RGS17: variants seen among roughly 807,000 people sequenced by gnomAD.
The protein encoded by RGS17 is regulator of G protein signaling 17.
Under a neutral mutation model 25.5 loss-of-function variants are expected in RGS17, and 12 were observed. That is an observed-to-expected ratio of 0.47 (90% CI 0.30 to 0.76). The LOEUF (loss-of-function observed/expected upper bound fraction) is 0.76. RGS17 is among the 30% of genes least tolerant of loss of function. The pLI is 0.07. For missense variants in RGS17, 196 were observed against 242.2 expected (o/e 0.81, Z 1.27); for synonymous variants, 71 against 76.9 (o/e 0.92, Z 0.40).
In RGS17 at chr6:153,064,081, A is replaced by C. The variant is rs147389314; in HGVS notation, c.-25-20038T>G. On this transcript the variant is annotated intron_variant, in intron 1 of 4. Coordinates refer to ENST00000206262, the MANE Select transcript of RGS17 (RefSeq NM_012419.5). Reference sequence around the variant, plus strand: ...ATTTCATCAACACTAGACCTATCTTACAAGAAATGCTAACAGAGTACTTCA... The same window carrying C: ...ATTTCATCAACACTAGACCTATCTTCCAAGAAATGCTAACAGAGTACTTCA... Among the ~76,000 whole-genome samples the C allele has an allele frequency of 3.0e-3, 456 of 152,326 alleles. 3 individuals are homozygous for C. The highest frequency in any genetic ancestry group is 0.01 in the Middle Eastern group (3 of 294).
chr6:153,020,972 G>T lies in RGS17; in HGVS notation c.444+3290C>A, dbSNP rs150259597. Among the ~76,000 whole-genome samples, 604 of 152,282 alleles carry T rather than the reference G, an allele frequency of 4.0e-3. 1 individual carries two copies. The highest frequency in any genetic ancestry group is 7.0e-3 in the Non-Finnish European group (479 of 68,014). Reference sequence around the variant, plus strand: ...GCCATTAGGTAGAGAGGATGAAGTAGTAGCACAAATACTCTGAATAAATAG... The same window carrying T: ...GCCATTAGGTAGAGAGGATGAAGTATTAGCACAAATACTCTGAATAAATAG... On this transcript the variant is annotated intron_variant, in intron 4 of 4. Coordinates refer to ENST00000206262, the MANE Select transcript of RGS17 (RefSeq NM_012419.5).
At chr6:153,099,512 G>GA (rs1283142321) in intron 1 of RGS17, among the ~76,000 whole-genome samples, 1 of 151,838 alleles carries the variant, frequency 6.6e-6, no homozygotes, top group Non-Finnish European at 1.5e-5. Flanking sequence ...AATATATTCG[G>GA]AAAAAAAATT....
Position 153,026,531 on chromosome 6 carries a change from C to T in RGS17, c.132G>A (p.Arg44=), listed in dbSNP as rs1375198841. The T allele has an allele frequency of 2.5e-6, 4 of 1,612,292 alleles. No individual in the cohort carries two copies. Among genetic ancestry groups the T allele is most frequent in the Admixed American group, 1.7e-5 (1 of 59,950 alleles). The change falls in exon 3 of 5, where the codon AGG becomes AGA. Residue 44 remains arginine (R), a synonymous_variant. Transcript: ENST00000206262. ...CCGCATTTTCCCCTCTTTCTTCATT[C>T]CTCACAGTGAGGCTGTAATGTAACA... ...CCCSCSCLTV[R]NEERGENAGR... is the part of the protein sequence containing the mutation.
intron 1 of RGS17, among the ~76,000 whole-genome samples, chr6:153,070,687 GTGT>G (rs1776778030): frequency 8.6e-6 from 1 of 116,906 alleles, no homozygotes. Context: ...GTGTGTGTGT[GTGT>G]GTGTGTGTGT....
chr6:153,127,794 T>G (rs1433924256), intron 1 of RGS17, among the ~76,000 whole-genome samples: 1 of 152,172 alleles, frequency 6.6e-6, no homozygotes, highest in African/African-American at 2.4e-5. Flanking sequence ...AACACGAGTT[T>G]TAGGAGCCCA....
intron 4 of RGS17, among the ~76,000 whole-genome samples, chr6:153,019,493 G>A (rs190873750): frequency 2.6e-5 from 4 of 152,264 alleles, no homozygotes; most frequent in Admixed American, 2.6e-4. Flanking sequence ...GTAATCCCCA[G>A]TGTTGGAGAT....
intron 1 of RGS17, among the ~76,000 whole-genome samples, chr6:153,093,665 G>A (rs1220634112): frequency 1.3e-5 from 2 of 152,146 alleles, no homozygotes; most frequent in African/African-American, 4.8e-5. Context: ...CAGAATCCAC[G>A]TAGTCAAAGA....
intron 1 of RGS17, among the ~76,000 whole-genome samples, chr6:153,064,182 AAC>A (rs1365440246): frequency 1.3e-5 from 2 of 152,322 alleles, no homozygotes; most frequent in East Asian, 1.9e-4. Flanking sequence ...TACACAGAAA[AAC>A]ACAGAGTACT....
chr6:153,078,426 A>G (rs1390149693), intron 1 of RGS17, among the ~76,000 whole-genome samples: 1 of 152,052 alleles, frequency 6.6e-6, no homozygotes, highest in Admixed American at 6.6e-5. Context: ...ATATATTTAT[A>G]TCTTTTTAAA....
At chr6:153,079,378 A>G (rs1776936193) in intron 1 of RGS17, among the ~76,000 whole-genome samples, 1 of 152,172 alleles carries the variant, frequency 6.6e-6, no homozygotes, top group Non-Finnish European at 1.5e-5. Context: ...GCGCCTGGCC[A>G]ACATTCTTGG....
chr6:153,080,460 T>A (rs1776957870), intron 1 of RGS17, among the ~76,000 whole-genome samples: 1 of 152,090 alleles, frequency 6.6e-6, no homozygotes, highest in Non-Finnish European at 1.5e-5. Flanking sequence ...TCATTAGAGG[T>A]TTATCAGTTT....
In RGS17 at chr6:153,046,152, A is replaced by T. The variant is rs1776381635; in HGVS notation, c.-25-2109T>A. 3.3e-5 allele frequency among the ~76,000 whole-genome samples: 5 copies of T among 152,314 alleles called. No individual in the cohort carries two copies. In the South Asian group the frequency reaches 1.0e-3, roughly 32 times the overall value. ...GAAGTTTAAAAAACATTGATTTCAT[A>T]GAAGTAAAAAGAAGGACATAGCATA... On this transcript the variant is annotated intron_variant, in intron 1 of 4. Transcript: ENST00000206262.
chr6:153,088,450 T>C (rs1447939265), intron 1 of RGS17, among the ~76,000 whole-genome samples: 1 of 152,230 alleles, frequency 6.6e-6, no homozygotes, highest in East Asian at 1.9e-4. Flanking sequence ...CAATTATTCA[T>C]AAGTTTACAA....
chr6:153,033,918 A>G (rs1776190473), intron 2 of RGS17, among the ~76,000 whole-genome samples: 1 of 152,078 alleles, frequency 6.6e-6, no homozygotes, highest in Admixed American at 6.5e-5. Context: ...GAAAAGGCCA[A>G]ATGGACTTCT....
rs1390541109 is a variant in RGS17, at chr6:153,006,345, G to A, written c.*5229C>T. On this transcript the variant is annotated 3_prime_UTR_variant, in exon 5 of 5. Coordinates refer to ENST00000206262, the MANE Select transcript of RGS17 (RefSeq NM_012419.5). ...TGGGAATGTTGTTTTATTTCCTTTG[G>A]AAATAAAACTTTCAAATGATTGATC... 1 of 152,236 alleles carries A rather than the reference G, an allele frequency of 6.6e-6. No homozygotes were observed. Among genetic ancestry groups the A allele is most frequent in the Non-Finnish European group, 1.5e-5 (1 of 67,944 alleles). 9.4% of individuals were successfully genotyped at this position (152,236 alleles called of 1,614,324 possible).
intron 4 of RGS17, among the ~76,000 whole-genome samples, chr6:153,019,592 G>A (rs1226744848): frequency 6.6e-6 from 1 of 152,076 alleles, no homozygotes; most frequent in Non-Finnish European, 1.5e-5. Context: ...TTGATATAGT[G>A]AGTGAATTCT....
chr6:153,105,336 G>T (rs956686037), intron 1 of RGS17, among the ~76,000 whole-genome samples: 1 of 152,130 alleles, frequency 6.6e-6, no homozygotes, highest in African/African-American at 2.4e-5. Context: ...TCCATGGACA[G>T]CTAACAAATA....
intron 1 of RGS17, among the ~76,000 whole-genome samples, chr6:153,115,607 G>A (rs770197150): frequency 2.6e-4 from 40 of 152,070 alleles, no homozygotes; most frequent in African/African-American, 5.6e-4. Context: ...AAAAGAGCCC[G>A]TATAGCCAAG....
chr6:153,121,683 G>A (rs555008786), intron 1 of RGS17, among the ~76,000 whole-genome samples: 1 of 152,190 alleles, frequency 6.6e-6, no homozygotes, highest in Non-Finnish European at 1.5e-5. Flanking sequence ...AGACATAAAG[G>A]TCTTTACATC....
Sources: gnomAD v4.1 joint callset for allele counts (sites outside exome capture counted in the v4.1 genomes callset) on GRCh38, gnomAD v4.1.1 for gene constraint, MANE v1.5 for transcripts, NCBI Gene and HGNC (gene_info 2026-07-23, HGNC 2026-07-21) for gene names.